The following SYNE1 variants were observed in gnomAD, a reference collection of about 807,000 sequenced individuals.
SYNE1 encodes nesprin-1.
Under a neutral mutation model 1,111.0 loss-of-function variants are expected in SYNE1, and 616 were observed. That is an observed-to-expected ratio of 0.55 (90% CI 0.52 to 0.59). The LOEUF (loss-of-function observed/expected upper bound fraction) is 0.59, where lower values mean the gene tolerates loss of function less well. Among genes scored for constraint, SYNE1 ranks in the 20% least tolerant of loss-of-function variants. The pLI is 0.00. For missense variants in SYNE1, 10,006 were observed against 10,417.0 expected (o/e 0.96, Z 1.72); for synonymous variants, 3,855 against 3,825.8 (o/e 1.01, Z -0.28).
intron 3 of SYNE1, among the ~76,000 whole-genome samples, chr6:152,596,274 T>G (rs189971505): frequency 0.06 from 8,822 of 148,178 alleles, 373 homozygotes; most frequent in Non-Finnish European, 0.093. Context: ...TTGTTTGTTT[T>G]TTTTTTTTTT....
intron 3 of SYNE1, among the ~76,000 whole-genome samples, chr6:152,609,847 C>T (rs1419037699): frequency 2.0e-5 from 3 of 152,204 alleles, no homozygotes; most frequent in Non-Finnish European, 1.5e-5. Context: ...AAAACCCAAG[C>T]AAACAGGGTC....
At chr6:152,540,401 G>T (rs2099263642) in intron 3 of SYNE1, among the ~76,000 whole-genome samples, 1 of 152,192 alleles carries the variant, frequency 6.6e-6, no homozygotes, top group Non-Finnish European at 1.5e-5. Flanking sequence ...CAAGGTCCCT[G>T]CTATAAAATA....
chr6:152,368,759 C>T (rs1035495607), intron 61 of SYNE1: 12 of 608,224 alleles, frequency 2.0e-5, no homozygotes, highest in East Asian at 5.9e-5. Context: ...AAACCTCCTT[C>T]GGCCTTTTCA....
chr6:152,469,080 C>A (rs2098789278), intron 16 of SYNE1, among the ~76,000 whole-genome samples: 4 of 152,098 alleles, frequency 2.6e-5, no homozygotes, highest in Non-Finnish European at 5.9e-5. Flanking sequence ...CTGCCCCCAG[C>A]CCTTTTTTGG....
At chr6:152,172,789 T>C (rs993680900) in intron 130 of SYNE1, among the ~76,000 whole-genome samples, 2 of 152,148 alleles carry the variant, frequency 1.3e-5, no homozygotes, top group Middle Eastern at 3.2e-3. Context: ...CAGAGGTACT[T>C]TAATTATCTA....
intron 95 of SYNE1, among the ~76,000 whole-genome samples, chr6:152,289,622 A>T (rs939222274): frequency 2.6e-5 from 4 of 151,346 alleles, no homozygotes; most frequent in Non-Finnish European, 5.9e-5. Flanking sequence ...TTCCTATTTT[A>T]TTTATTTATT....
intron 53 of SYNE1, among the ~76,000 whole-genome samples, chr6:152,388,067 T>A (rs947768680): frequency 6.6e-6 from 1 of 152,108 alleles, no homozygotes; most frequent in South Asian, 2.1e-4. Flanking sequence ...CTGCAGTGAT[T>A]TCCCCAGCTC....
In SYNE1 at chr6:152,451,276, C is replaced by CA. The variant is rs3835245; in HGVS notation, c.3028-72dup. The CA allele has an allele frequency of 0.041, 49,949 of 1,207,340 alleles. 114 individuals are homozygous for CA. The highest frequency in any genetic ancestry group is 0.083 in the South Asian group (6,011 of 72,428). 74.8% of individuals were successfully genotyped at this position (1,207,340 alleles called of 1,614,324 possible). A position where few individuals can be genotyped will look rare whatever the true frequency, so the allele number is the denominator to read the frequency against. On this transcript the variant is annotated intron_variant, in intron 25 of 145. Coordinates refer to ENST00000367255, the MANE Select transcript of SYNE1 (RefSeq NM_182961.4). ...TTATGTACATTCCCAATTGAAGTGG[C>CA]AAAAAAAAAAACAAAAACCATAACA...
At chr6:152,414,122 C>T (rs2098116733) in intron 41 of SYNE1, among the ~76,000 whole-genome samples, 2 of 151,792 alleles carry the variant, frequency 1.3e-5, no homozygotes, top group South Asian at 4.2e-4. Flanking sequence ...GTGGCCATAT[C>T]ACCAGCCACA....
chr6:152,186,030 A>G (rs1260884425), intron 128 of SYNE1, among the ~76,000 whole-genome samples: 1 of 152,236 alleles, frequency 6.6e-6, no homozygotes, highest in East Asian at 1.9e-4. Context: ...ATACATCATG[A>G]ACACTTAGCT....
At chr6:152,171,849 C>G (rs185248727) in intron 130 of SYNE1, among the ~76,000 whole-genome samples, 1 of 152,138 alleles carries the variant, frequency 6.6e-6, no homozygotes, top group Non-Finnish European at 1.5e-5. Context: ...TATAATAACA[C>G]GCTAATAGCA....
At chr6:152,318,315 C>G (rs750903710) in intron 85 of SYNE1, 52 bp from the exon 86 acceptor site, 2 of 1,600,346 alleles carry the variant, frequency 1.2e-6, no homozygotes, top group South Asian at 2.2e-5. Flanking sequence ...ATAAATTTCT[C>G]CAGGTTTCCC....
chr6:152,419,072 T>G (rs1182726727), intron 40 of SYNE1, among the ~76,000 whole-genome samples: 1 of 152,250 alleles, frequency 6.6e-6, no homozygotes, highest in African/African-American at 2.4e-5. Context: ...ATTGGTCTAT[T>G]GTCAGTTCAT....
rs904941600 is a variant in SYNE1, at chr6:152,132,161, A to G, written c.26055T>C (p.Ser8685=). 1.9e-6 allele frequency: 3 copies of G among 1,613,978 alleles called. No individual in the cohort carries two copies. The Admixed American group carries it at 5.0e-5, about 27-fold the overall frequency. ...ADELDTSGSV[S]PTSGRSTPNR... Reference sequence around the variant, plus strand: ...TTGGGGTGCTCCTTCCTGATGTGGGACTCACAGACCCTGAGGTGTCCAGTT... The same window carrying G: ...TTGGGGTGCTCCTTCCTGATGTGGGGCTCACAGACCCTGAGGTGTCCAGTT... Residue 8685 remains serine, a synonymous_variant, in exon 144 of 146, where the codon AGT becomes AGC. Coordinates refer to ENST00000367255, the MANE Select transcript of SYNE1 (RefSeq NM_182961.4).
chr6:152,242,094 A>AT (rs1451148048), intron 107 of SYNE1, 146 bp downstream of exon 107: 5 of 764,814 alleles, frequency 6.5e-6, no homozygotes, highest in Non-Finnish European at 1.1e-5. Context: ...TTGAATATAA[A>AT]TTTTTTGGCC....
Position 152,242,245 on chromosome 6 carries a change from G to A in SYNE1, c.19888C>T (p.His6630Tyr), listed in dbSNP as rs1172865347. ...CACTCTTTTTTGTTATGTACCTTAT[G>A]TTTGTCAAGTAGTTGCTGGATTTCC... The part of the protein sequence containing the change: ...KEEIQQLLDK[H>Y]KEYFQGLESH... The change falls in exon 107 of 146, where the codon CAT becomes TAT. Residue 6630 changes from histidine (H) to tyrosine (Y), a missense_variant. This residue lies in a region of SYNE1 where 2,182 missense variants were observed against 2,287.8 expected (regional missense o/e 0.95). Transcript: ENST00000367255. 2 of 1,613,516 alleles carry A rather than the reference G, an allele frequency of 1.2e-6. No individual in the cohort carries two copies. The highest frequency in any genetic ancestry group is 1.3e-5 in the African/African-American group (1 of 74,860).
chr6:152,426,707 G>A (rs529617037), intron 38 of SYNE1, among the ~76,000 whole-genome samples: 1 of 152,340 alleles, frequency 6.6e-6, no homozygotes, highest in Non-Finnish European at 1.5e-5. Context: ...GCCCTTTATG[G>A]TCAGGGCGGG....
chr6:152,429,307 C>G (rs1266609931), intron 36 of SYNE1, among the ~76,000 whole-genome samples: 2 of 152,000 alleles, frequency 1.3e-5, no homozygotes, highest in Non-Finnish European at 2.9e-5. Context: ...GAATATTAGC[C>G]TCTTTGGTCC....
intron 8 of SYNE1, among the ~76,000 whole-genome samples, chr6:152,509,272 A>C (rs1338130348): frequency 2.0e-5 from 2 of 98,572 alleles, no homozygotes; most frequent in Admixed American, 1.5e-4. Flanking sequence ...TTTTTTTGAG[A>C]TGGAGTCTAG....
Sources: gnomAD v4.1 joint callset for allele counts (sites outside exome capture counted in the v4.1 genomes callset) on GRCh38, gnomAD v4.1.1 for gene constraint, gnomAD v4.1.1 regional missense constraint, MANE v1.5 for transcripts, NCBI Gene and HGNC (gene_info 2026-07-23, HGNC 2026-07-21) for gene names.